FAM199X: variants seen among roughly 807,000 people sequenced by gnomAD.
FAM199X encodes the protein family with sequence similarity 199, X-linked.
Under a neutral mutation model 22.9 loss-of-function variants are expected in FAM199X, and 4 were observed. That is an observed-to-expected ratio of 0.17 (90% CI 0.09 to 0.40). FAM199X has a LOEUF of 0.40. Among genes scored for constraint, FAM199X ranks in the 10% least tolerant of loss-of-function variants. The pLI, the probability that FAM199X is intolerant of heterozygous loss-of-function variation, is 1.00. For synonymous variants in FAM199X, 101 were observed against 112.3 expected (o/e 0.90, Z 0.64); for missense variants, 183 against 306.8 (o/e 0.60, Z 3.01).
At position 104,194,497 on chromosome X, in the gene FAM199X, T is replaced by C. The variant is rs1556381169; in HGVS notation, c.*4719T>C. On this transcript the variant is annotated 3_prime_UTR_variant, in exon 6 of 6. Coordinates refer to ENST00000493442, the MANE Select transcript of FAM199X (RefSeq NM_207318.4). The stretch of plus-strand genomic sequence containing the variant: ...GGCTCTTTTAACAGTAGCTGACCTA[T>C]TGGATTTAAACTGAGACTGAAATTG... 1 of 112,418 alleles carries C rather than the reference T, an allele frequency of 8.9e-6. No individual in the cohort carries two copies. Among genetic ancestry groups the C allele is most frequent in the African/African-American group, 3.2e-5 (1 of 31,050 alleles). The allele number at this position is 112,418 out of a possible 1,213,427, so 9.3% of individuals were successfully genotyped here. A position where few individuals can be genotyped will look rare whatever the true frequency, so the allele number is the denominator to read the frequency against.
intron 2 of FAM199X, among the ~76,000 whole-genome samples, chrX:104,179,713 T>C (rs1921593407): frequency 9.0e-6 from 1 of 111,318 alleles, no homozygotes; most frequent in African/African-American, 3.3e-5. Context: ...TCCTTGTCTT[T>C]TTCCTAATCT....
At chrX:104,177,434 C>T (rs1921519175) in intron 2 of FAM199X, among the ~76,000 whole-genome samples, 2 of 111,993 alleles carry the variant, frequency 1.8e-5, no homozygotes, top group Admixed American at 9.5e-5. Flanking sequence ...CATTCAGGTT[C>T]AAGTTTCTAT....
intron 2 of FAM199X, among the ~76,000 whole-genome samples, chrX:104,179,792 A>G (rs1017544124): frequency 1.9e-4 from 21 of 110,073 alleles, no homozygotes; most frequent in Admixed American, 5.8e-4. Context: ...TTGCATCTAT[A>G]TTCATAAGGG....
At chrX:104,175,963 A>G in intron 2 of FAM199X, 121 bp downstream of exon 2, 1 of 471,442 alleles carries the variant, frequency 2.1e-6, no homozygotes, top group Non-Finnish European at 3.4e-6. Flanking sequence ...AGTCCTGGAG[A>G]TTCTCTGACA....
chrX:104,168,384 T>C (rs781884394), intron 1 of FAM199X, among the ~76,000 whole-genome samples: 2 of 112,523 alleles, frequency 1.8e-5, no homozygotes, highest in East Asian at 5.5e-4. Context: ...GTGTTACAAA[T>C]AGAACTTATG....
chrX:104,181,381 C>T (rs1921648377), intron 2 of FAM199X, among the ~76,000 whole-genome samples: 1 of 111,987 alleles, frequency 8.9e-6, no homozygotes, highest in Non-Finnish European at 1.9e-5. Flanking sequence ...ATACAATTCT[C>T]CTGTACAACC....
chrX:104,183,163 G>A (rs1327101193), intron 2 of FAM199X, among the ~76,000 whole-genome samples: 1 of 111,292 alleles, frequency 9.0e-6, no homozygotes, highest in African/African-American at 3.3e-5. Context: ...TATTTTGAAA[G>A]TATAGGTATT....
rs781966952 is a variant in FAM199X at position 104,186,168 on chromosome X, C to T, written c.520C>T (p.Arg174Trp). Residue 174 changes from arginine (R) to tryptophan (W), a missense_variant, in exon 3 of 6, where the codon CGG (arginine) becomes TGG (tryptophan). Physicochemically the swap from Arg to Trp is moderately radical, Grantham distance 101. This residue lies in a region of FAM199X where 128 missense variants were observed against 246.2 expected (regional missense o/e 0.52). Transcript: ENST00000493442. ...CLLPKKKNKHRNLDELPWSAM... is the reference protein window; with the variant it reads ...CLLPKKKNKHWNLDELPWSAM... ...GCTTCCTAAAAAGAAAAACAAGCAC[C>T]GGAATTTAGATGAACTCCCTTGGAG... The T allele has an allele frequency of 7.5e-5, 91 of 1,208,835 alleles. No homozygotes were observed. The highest frequency in any genetic ancestry group is 9.1e-5 in the Non-Finnish European group (81 of 894,873).
intron 1 of FAM199X, among the ~76,000 whole-genome samples, chrX:104,167,869 G>A (rs1200387817): frequency 9.2e-6 from 1 of 108,437 alleles, no homozygotes; most frequent in Non-Finnish European, 1.9e-5. Flanking sequence ...AACATAGGTG[G>A]ATATTTGAGA....
intron 1 of FAM199X, 52 bp from the exon 2 acceptor site, chrX:104,175,571 A>T (rs782063886): frequency 1.0e-6 from 1 of 998,857 alleles, no homozygotes; most frequent in Admixed American, 2.6e-5. Context: ...ATATCTTAAA[A>T]TTGTATGGAT....
intron 2 of FAM199X, among the ~76,000 whole-genome samples, chrX:104,179,100 A>T (rs1921572180): frequency 8.9e-6 from 1 of 112,018 alleles, no homozygotes; most frequent in Non-Finnish European, 1.9e-5. Context: ...ATTGCACTCT[A>T]GTCTGGGCAA....
At chrX:104,188,535 G>A (rs1214717795) in intron 5 of FAM199X, among the ~76,000 whole-genome samples, 2 of 111,219 alleles carry the variant, frequency 1.8e-5, no homozygotes, top group Non-Finnish European at 3.8e-5. Context: ...CCTGATTTTT[G>A]TGTATGTTTT....
In FAM199X at chrX:104,166,865, C is replaced by T. The variant is rs1222130936; in HGVS notation, c.80C>T (p.Pro27Leu). The change falls in exon 1 of 6, where the codon CCT becomes CTT. Residue 27 changes from proline to leucine, a missense_variant. Coordinates refer to ENST00000493442, the MANE Select transcript of FAM199X (RefSeq NM_207318.4). ...PEEPFPLLGP[P>L]RGVGTCPSEE... is the part of the protein sequence containing the mutation. ...GAGCCCTTCCCACTCCTGGGACCTC[C>T]TCGCGGGGTGGGCACCTGCCCGAGC... The T allele has an allele frequency of 8.3e-7, 1 of 1,205,370 alleles. No individual in the cohort carries two copies. Among genetic ancestry groups the T allele is most frequent in the African/African-American group, 1.8e-5 (1 of 57,090 alleles).
At chrX:104,165,208 A>G (rs1285646148), upstream of FAM199X, among the ~76,000 whole-genome samples, 3 of 112,718 alleles carry the variant, frequency 2.7e-5, no homozygotes, top group African/African-American at 9.7e-5. Context: ...CCTTCTTGCA[A>G]TCTCAATGAA....
At chrX:104,186,030 G>T (rs1556379010) in intron 2 of FAM199X, 36 bp from the exon 3 acceptor site, 3 of 1,171,522 alleles carry the variant, frequency 2.6e-6, no homozygotes, top group Non-Finnish European at 3.4e-6. Flanking sequence ...AACAAATTTT[G>T]CTTTCCTTCC....
In FAM199X at chrX:104,190,565, T is replaced by C. The variant is rs1921913171; in HGVS notation, c.*787T>C. On this transcript the variant is annotated 3_prime_UTR_variant, in exon 6 of 6. Transcript: ENST00000493442. ...AGACTTGATGCTATGTTGATTAATA[T>C]TTAAATGGTGAAAGTAATTAGGCAA... The C allele has an allele frequency of 8.9e-6, 1 of 112,340 alleles. No homozygotes were observed. The highest frequency in any genetic ancestry group is 3.6e-4 in the South Asian group (1 of 2,765). The allele number at this position is 112,340 out of a possible 1,213,427, so 9.3% of individuals were successfully genotyped here. A position where few individuals can be genotyped will look rare whatever the true frequency, so the allele number is the denominator to read the frequency against.
chrX:104,169,302 G>A (rs1201633542), intron 1 of FAM199X, among the ~76,000 whole-genome samples: 1 of 112,225 alleles, frequency 8.9e-6, no homozygotes, highest in African/African-American at 3.2e-5. Context: ...TCTGCCTTGG[G>A]TTTAGTGATT....
chrX:104,160,887 GTA>G, the FAM199X span, among the ~76,000 whole-genome samples: 2 of 111,237 alleles, frequency 1.8e-5, no homozygotes, highest in Non-Finnish European at 1.9e-5. Context: ...AGTAAATAAT[GTA>G]TAGTCACTGA....
At chrX:104,186,748 T>A in intron 4 of FAM199X, 127 bp downstream of exon 4, 1 of 578,930 alleles carries the variant, frequency 1.7e-6, no homozygotes, top group Admixed American at 4.3e-5. Flanking sequence ...AAAGGTAATA[T>A]TAGAAAAAAT....
Sources: gnomAD v4.1 joint callset for allele counts (sites outside exome capture counted in the v4.1 genomes callset) on GRCh38, gnomAD v4.1.1 for gene constraint, gnomAD v4.1.1 regional missense constraint, MANE v1.5 for transcripts, NCBI Gene and HGNC (gene_info 2026-07-23, HGNC 2026-07-21) for gene names.